The following STAG3 variants were observed in gnomAD, a reference collection of about 807,000 sequenced individuals.
STAG3 encodes the protein STAG3 cohesin complex component, also known as cohesin subunit SA-3.
A neutral mutation model predicts 160.7 loss-of-function variants in STAG3; 101 were observed. That is an observed-to-expected ratio of 0.63 (90% confidence interval 0.54 to 0.74). The LOEUF is 0.74. Among genes scored for constraint, STAG3 ranks in the 30% least tolerant of loss-of-function variants. The pLI, the probability that STAG3 is intolerant of heterozygous loss-of-function variation, is 0.00. For missense variants in STAG3, 1,188 were observed against 1,517.4 expected (o/e 0.78, Z 3.61); for synonymous variants, 519 against 585.0 (o/e 0.89, Z 1.63).
chr7:100,188,749 A>T, intron 6 of STAG3, 63 bp from the exon 7 acceptor site: 1 of 1,538,136 alleles, frequency 6.5e-7, no homozygotes, highest in East Asian at 2.3e-5. Flanking sequence ...TTGACATCCA[A>T]GCCCCTATGA....
rs752302378 is a variant in STAG3, at chr7:100,186,211, T to C, written c.348T>C (p.Asp116=). 1 of 1,614,018 alleles carries C rather than the reference T, an allele frequency of 6.2e-7. No individual in the cohort carries two copies. The highest frequency in any genetic ancestry group is 1.7e-5 in the Admixed American group (1 of 60,012). ...TTTTTTTTCCCTAGTCTTTGGTAGA[T>C]GAGTGGCTGGATAGCTACAAGCAAG... The part of the protein sequence containing the change: ...AAKSDMQSLV[D]EWLDSYKQDQ... Residue 116 remains aspartate (D), a synonymous_variant, in exon 5 of 34, where the codon GAT becomes GAC. Transcript: ENST00000615138.
chr7:100,204,981 C>G (rs759568280), intron 27 of STAG3, 24 bp from the exon 28 acceptor site: 1 of 1,610,124 alleles, frequency 6.2e-7, no homozygotes, highest in Non-Finnish European at 8.5e-7. Flanking sequence ...GACTTTCTTC[C>G]TAAAATAATT....
intron 7 of STAG3, 60 bp from the exon 8 acceptor site, chr7:100,189,385 C>T (rs1353595445): frequency 1.3e-6 from 2 of 1,533,886 alleles, no homozygotes; most frequent in Non-Finnish European, 1.8e-6. Context: ...TTTCCTTCTA[C>T]TCATCCTCTC....
chr7:100,204,751 G>A lies in STAG3; in HGVS notation c.2927G>A (p.Arg976His), dbSNP rs748067739. 13 of 1,613,794 alleles carry A rather than the reference G, an allele frequency of 8.1e-6. No homozygotes were observed. The highest frequency in any genetic ancestry group is 1.3e-5 in the African/African-American group (1 of 74,814). ...LSFGPQQLQN[R>H]DLVVMLHKEG... ...TTTGGACCCCAGCAGCTGCAGAACC[G>A]TGACCTCGTGGTCATGCTACACAAG... Residue 976 changes from arginine (R) to histidine (H), a missense_variant, in exon 27 of 34, where the codon CGT becomes CAT. Arg to His is a conservative substitution (Grantham distance 29). Coordinates refer to ENST00000615138, the MANE Select transcript of STAG3 (RefSeq NM_001282717.2).
intron 5 of STAG3, 67 bp from the exon 6 acceptor site, chr7:100,188,386 A>C: frequency 9.7e-7 from 1 of 1,032,212 alleles, no homozygotes; most frequent in Non-Finnish European, 1.5e-6. Context: ...ATCTTCAGGT[A>C]TATCTGTAAA....
At chr7:100,213,239 C>T in intron 32 of STAG3, 1 of 958,248 alleles carries the variant, frequency 1.0e-6, no homozygotes, top group Non-Finnish European at 1.3e-6. Context: ...AAAGGCCCCA[C>T]TTCCAAACAG....
chr7:100,181,846 A>G (rs1490419300), intron 2 of STAG3, among the ~76,000 whole-genome samples: 1 of 148,068 alleles, frequency 6.8e-6, no homozygotes, highest in Non-Finnish European at 1.5e-5. Context: ...GGTTGCAGTG[A>G]GCTGAGATCA....
intron 29 of STAG3, among the ~76,000 whole-genome samples, chr7:100,206,612 C>T (rs1180758528): frequency 6.6e-6 from 1 of 152,070 alleles, no homozygotes; most frequent in Non-Finnish European, 1.5e-5. Context: ...GTTGGGATTA[C>T]AGGCGTCCAC....
In STAG3 at chr7:100,213,787, C is replaced by A. The variant is rs1192111803; in HGVS notation, c.3653C>A (p.Ser1218Tyr). 6.2e-7 allele frequency: 1 copy of A among 1,614,240 alleles called. No individual in the cohort carries two copies. The highest frequency in any genetic ancestry group is 1.7e-5 in the Admixed American group (1 of 60,024). The change falls in exon 33 of 34, where the codon TCT (serine) becomes TAT (tyrosine). Residue 1218 changes from serine to tyrosine, a missense_variant. Coordinates refer to ENST00000615138, the MANE Select transcript of STAG3 (RefSeq NM_001282717.2). ...GAGCGCGGGCTGGACCTCTTAGATT[C>A]TACAGAGCTGGATATTGAGGTGAGT... Reference protein sequence around the residue: ...TSERGLDLLDSTELDIEDF With the variant: ...TSERGLDLLDYTELDIEDF
chr7:100,197,978 C>G, intron 11 of STAG3, 102 bp downstream of exon 11: 2 of 1,494,716 alleles, frequency 1.3e-6, no homozygotes, highest in Non-Finnish European at 1.9e-6. Context: ...TTGGCTATCC[C>G]AGCATCTGCC....
At chr7:100,204,598 C>T in intron 26 of STAG3, 29 bp from the exon 27 acceptor site, 1 of 1,602,880 alleles carries the variant, frequency 6.2e-7, no homozygotes, top group Non-Finnish European at 8.5e-7. Context: ...TCCTCCCTTT[C>T]CCACATGCAC....
At chr7:100,216,789 A>C (rs1293567934), downstream of STAG3, among the ~76,000 whole-genome samples, 1 of 152,050 alleles carries the variant, frequency 6.6e-6, no homozygotes, top group Non-Finnish European at 1.5e-5. Flanking sequence ...AAAAAAGTTC[A>C]ATTTATTCTG....
rs1802501324 is a variant in STAG3, at chr7:100,213,732, T to TA, written c.3601-2dup. On this transcript the variant is annotated splice_region_variant and splice_polypyrimidine_tract_variant and intron_variant, in intron 32 of 33. Transcript: ENST00000615138. ...TTTTGACTTTTAACCTCATTCTCTC[T>TA]AGCAAGCAAGTAGCTACTCTTCCAC... 1 of 1,614,192 alleles carries TA rather than the reference T, an allele frequency of 6.2e-7. No individual in the cohort carries two copies. Among genetic ancestry groups the TA allele is most frequent in the African/African-American group, 1.3e-5 (1 of 75,056 alleles).
rs1385902561 is a variant in STAG3 at position 100,210,186 on chromosome 7, G to A, written c.3239-825G>A. ...TGGGGCCCCAAGGTTTCCTCTCTGG[G>A]AATCCAAGCCCAGGGGTATGTCTCT... On this transcript the variant is annotated intron_variant, in intron 29 of 33. Transcript: ENST00000615138. Among the ~76,000 whole-genome samples the A allele has an allele frequency of 2.6e-5, 4 of 152,170 alleles. 1 individual carries two copies. Among genetic ancestry groups the A allele is most frequent in the Admixed American group, 1.3e-4 (2 of 15,280 alleles).
At chr7:100,202,114 C>A in intron 23 of STAG3, 58 bp from the exon 24 acceptor site, 2 of 1,609,172 alleles carry the variant, frequency 1.2e-6, no homozygotes, top group South Asian at 2.2e-5. Context: ...TTGACAGTGT[C>A]ATTTCTACCT....
intron 4 of STAG3, among the ~76,000 whole-genome samples, chr7:100,185,601 CAAA>C (rs57953038): frequency 3.2e-5 from 2 of 61,716 alleles, no homozygotes; most frequent in Non-Finnish European, 3.4e-5. Context: ...GACTCCATCT[CAAA>C]AAAAAAAAAA....
At chr7:100,179,078 A>C (rs1799463234) in intron 1 of STAG3, among the ~76,000 whole-genome samples, 1 of 150,770 alleles carries the variant, frequency 6.6e-6, no homozygotes, top group African/African-American at 2.4e-5. Flanking sequence ...AGGGTTAGGC[A>C]GTCCTCCTGC....
chr7:100,186,545 C>T (rs1428423730), intron 5 of STAG3, among the ~76,000 whole-genome samples: 1 of 152,122 alleles, frequency 6.6e-6, no homozygotes, highest in African/African-American at 2.4e-5. Flanking sequence ...ATGGCGAAAC[C>T]CCTACTAAAA....
In STAG3 at chr7:100,197,173, T is replaced by G. The variant is rs1259079832; in HGVS notation, c.959T>G (p.Ile320Ser). Residue 320 changes from isoleucine to serine, a missense_variant, in exon 10 of 34, where the codon ATC (isoleucine) becomes AGC (serine). Ile to Ser is a moderately radical substitution (Grantham distance 142). Transcript: ENST00000615138. ...GTGTCTAGGGATGTCCTTCCTGAGATCCGTGCTATCTGCATTGAGGAAATT... is the reference window on the plus strand; with the variant it reads ...GTGTCTAGGGATGTCCTTCCTGAGAGCCGTGCTATCTGCATTGAGGAAATT... ...VHRYRDVLPEIRAICIEEIGC... is the reference protein window; with the variant it reads ...VHRYRDVLPESRAICIEEIGC... 2 of 1,602,238 alleles carry G rather than the reference T, an allele frequency of 1.2e-6. No homozygotes were observed. The highest frequency in any genetic ancestry group is 1.7e-6 in the Non-Finnish European group (2 of 1,172,038).
Sources: gnomAD v4.1 joint callset for allele counts (sites outside exome capture counted in the v4.1 genomes callset) on GRCh38, gnomAD v4.1.1 for gene constraint, MANE v1.5 for transcripts, NCBI Gene and HGNC (gene_info 2026-07-23, HGNC 2026-07-21) for gene names.